The following LOC128462377 variants were observed in gnomAD, a reference collection of about 807,000 sequenced individuals.
chr16:89,380,317 G>T, the LOC128462377 span, among the ~76,000 whole-genome samples: 1 of 152,156 alleles, frequency 6.6e-6, no homozygotes, highest in Non-Finnish European at 1.5e-5. Flanking sequence ...TCTCCATGTT[G>T]GCCAAGCTGG....
the LOC128462377 span, among the ~76,000 whole-genome samples, chr16:89,387,443 C>T: frequency 2.0e-5 from 3 of 151,668 alleles, no homozygotes; most frequent in Non-Finnish European, 4.4e-5. Context: ...GAGGCTGAGG[C>T]GGGCAGATCA....
the LOC128462377 span, among the ~76,000 whole-genome samples, chr16:89,383,415 T>C: frequency 6.6e-6 from 1 of 152,162 alleles, no homozygotes; most frequent in Non-Finnish European, 1.5e-5. Flanking sequence ...GTCCCCACAC[T>C]CTGGGAGAAT....
the LOC128462377 span, among the ~76,000 whole-genome samples, chr16:89,341,615 A>C: frequency 6.6e-6 from 1 of 152,156 alleles, no homozygotes; most frequent in East Asian, 1.9e-4. Flanking sequence ...CTCCCACCCC[A>C]TCCAGCCCAT....
chr16:89,317,368 G>A, the LOC128462377 span, among the ~76,000 whole-genome samples: 2 of 152,202 alleles, frequency 1.3e-5, no homozygotes, highest in Admixed American at 1.3e-4. Context: ...GTTCTGGGTG[G>A]CAGTCAGCAG....
At chr16:89,321,478 C>T in the LOC128462377 span, among the ~76,000 whole-genome samples, 1 of 145,834 alleles carries the variant, frequency 6.9e-6, no homozygotes, top group Non-Finnish European at 1.5e-5. Flanking sequence ...GACTGTGGGG[C>T]CGGGTGGGGA....
the LOC128462377 span, chr16:89,320,229 G>A: frequency 1.3e-5 from 2 of 152,200 alleles, no homozygotes; most frequent in South Asian, 4.1e-4. Context: ...TTCTCATCAC[G>A]ATGCTGCACA....
At chr16:89,406,567 T>C in the LOC128462377 span, among the ~76,000 whole-genome samples, 1 of 152,130 alleles carries the variant, frequency 6.6e-6, no homozygotes, top group African/African-American at 2.4e-5. Context: ...GGAAGACAGA[T>C]GTGCTTCCCC....
chr16:89,352,036 T>C, the LOC128462377 span, among the ~76,000 whole-genome samples: 3 of 152,070 alleles, frequency 2.0e-5, no homozygotes, highest in African/African-American at 4.8e-5. Context: ...TCCGCTGAAA[T>C]GACAGGCACA....
the LOC128462377 span, among the ~76,000 whole-genome samples, chr16:89,380,181 C>T: frequency 6.6e-6 from 1 of 152,110 alleles, no homozygotes; most frequent in African/African-American, 2.4e-5. Flanking sequence ...GGCGTGATCT[C>T]GGCTCACTTC....
the LOC128462377 span, among the ~76,000 whole-genome samples, chr16:89,402,229 G>T: frequency 6.6e-6 from 1 of 152,158 alleles, no homozygotes; most frequent in South Asian, 2.1e-4. Context: ...GGCGAAATGT[G>T]GAACCAATTA....
the LOC128462377 span, among the ~76,000 whole-genome samples, chr16:89,408,977 C>T: frequency 6.6e-6 from 1 of 152,134 alleles, no homozygotes. Flanking sequence ...AGGAGGAATA[C>T]AGAAAAGGCG....
the LOC128462377 span, among the ~76,000 whole-genome samples, chr16:89,341,613 C>T: frequency 3.9e-5 from 6 of 152,232 alleles, no homozygotes; most frequent in Admixed American, 2.6e-4. Context: ...CTCTCCCACC[C>T]CATCCAGCCC....
At chr16:89,325,467 T>TCACA in the LOC128462377 span, among the ~76,000 whole-genome samples, 1,686 of 140,534 alleles carry the variant, frequency 0.012, 22 homozygotes, top group African/African-American at 0.044. Context: ...TCTCTCTCTC[T>TCACA]CTCACACACA....
the LOC128462377 span, among the ~76,000 whole-genome samples, chr16:89,339,636 T>C: frequency 6.6e-6 from 1 of 152,196 alleles, no homozygotes; most frequent in African/African-American, 2.4e-5. Context: ...AAATTAGCAA[T>C]AGCTAATGTT....
the LOC128462377 span, among the ~76,000 whole-genome samples, chr16:89,410,107 G>A: frequency 6.6e-6 from 1 of 152,278 alleles, no homozygotes; most frequent in Admixed American, 6.5e-5. Flanking sequence ...CCAAAGTGCT[G>A]GGATTACAGG....
At chr16:89,330,382 GC>G in the LOC128462377 span, among the ~76,000 whole-genome samples, 1 of 152,106 alleles carries the variant, frequency 6.6e-6, no homozygotes, top group Non-Finnish European at 1.5e-5. Flanking sequence ...AGAGGGAGGG[GC>G]TGCTTCCCAG....
the LOC128462377 span, among the ~76,000 whole-genome samples, chr16:89,365,280 G>A: frequency 1.3e-5 from 2 of 152,300 alleles, no homozygotes; most frequent in Admixed American, 6.5e-5. Context: ...ATCTTATCAC[G>A]TAGTCTAAAC....
chr16:89,319,744 G>C, the LOC128462377 span, among the ~76,000 whole-genome samples: 2 of 152,250 alleles, frequency 1.3e-5, no homozygotes, highest in African/African-American at 4.8e-5. Context: ...ATCTAGCCCA[G>C]GCTACACCTC....
chr16:89,388,006 C>A, the LOC128462377 span, among the ~76,000 whole-genome samples: 1 of 148,326 alleles, frequency 6.7e-6, no homozygotes, highest in South Asian at 2.1e-4. Context: ...GAGCAAGACT[C>A]CATCTCAAAA....
Sources: allele counts gnomAD v4.1 joint callset (sites outside exome capture counted in the v4.1 genomes callset), GRCh38; gene constraint gnomAD v4.1.1; transcripts MANE v1.5.